Variants in PTPRN2 observed in about 807,000 individuals in gnomAD.
PTPRN2 encodes the protein protein tyrosine phosphatase receptor type N2.
Under a neutral mutation model 118.8 loss-of-function variants are expected in PTPRN2, and 74 were observed. The observed-to-expected ratio is 0.62, with a 90% CI of 0.52 to 0.76. PTPRN2 has a LOEUF of 0.76. PTPRN2 is among the 30% of genes least tolerant of loss of function. PTPRN2 has a pLI of 0.00. For synonymous variants in PTPRN2, 641 were observed against 608.0 expected, an observed-to-expected ratio of 1.05 and a Z score of -0.80; for missense variants, 1,481 against 1,394.4, an observed-to-expected ratio of 1.06 and a Z score of -0.99.
intron 3 of PTPRN2, among the ~76,000 whole-genome samples, chr7:158,221,440 G>C (rs1183105157): frequency 1.3e-5 from 2 of 152,110 alleles, no homozygotes; most frequent in Non-Finnish European, 2.9e-5. Flanking sequence ...CTATAGGGTA[G>C]GAAAAAATAT....
intron 12 of PTPRN2, among the ~76,000 whole-genome samples, chr7:157,814,310 A>G (rs1438842539): frequency 3.3e-5 from 5 of 152,066 alleles, no homozygotes; most frequent in African/African-American, 7.2e-5. Flanking sequence ...GTCCACAGAG[A>G]GCTCCCCCGG....
intron 13 of PTPRN2, among the ~76,000 whole-genome samples, chr7:157,679,813 G>A (rs1490938034): frequency 6.6e-6 from 1 of 152,158 alleles, no homozygotes; most frequent in Non-Finnish European, 1.5e-5. Flanking sequence ...GGCCCCCCAG[G>A]TCACGCGGGA....
chr7:157,781,726 T>C (rs940059922), intron 12 of PTPRN2, among the ~76,000 whole-genome samples: 1 of 152,228 alleles, frequency 6.6e-6, no homozygotes, highest in South Asian at 2.1e-4. Context: ...TATTTCTGCA[T>C]CTTTATCAAG....
intron 2 of PTPRN2, among the ~76,000 whole-genome samples, chr7:158,385,227 A>C (rs1811245097): frequency 6.6e-6 from 1 of 152,352 alleles, no homozygotes; most frequent in African/African-American, 2.4e-5. Context: ...CTGTAACAAA[A>C]GCTACTTTAA....
Position 158,407,661 on chromosome 7 carries a change from GC to G in PTPRN2, c.163+82073del, listed in dbSNP as rs1193761422. On this transcript the variant is annotated intron_variant, in intron 2 of 22. Transcript: ENST00000389418. ...TCCTGGGTCCTGGGTCCTGCATCCTGCGTCCTGCGTCCTGGGTCCTGGGTCC... is the reference window on the plus strand; with the variant it reads ...TCCTGGGTCCTGGGTCCTGCATCCTGGTCCTGCGTCCTGGGTCCTGGGTCC... Among the ~76,000 whole-genome samples the G allele has an allele frequency of 6.0e-5, 8 of 132,774 alleles. 1 individual carries two copies. The highest frequency in any genetic ancestry group is 1.1e-4 in the African/African-American group (4 of 36,014). The allele number at this position is 132,774 out of a possible 152,430, so 87.1% of individuals were successfully genotyped here.
chr7:157,691,638 G>T (rs1797503746), intron 12 of PTPRN2, among the ~76,000 whole-genome samples: 1 of 152,242 alleles, frequency 6.6e-6, no homozygotes, highest in Non-Finnish European at 1.5e-5. Flanking sequence ...GGAGACGGCG[G>T]TGAAAACCCA....
intron 11 of PTPRN2, among the ~76,000 whole-genome samples, chr7:157,972,415 A>G (rs1802398099): frequency 6.6e-6 from 1 of 152,222 alleles, no homozygotes; most frequent in African/African-American, 2.4e-5. Flanking sequence ...AGGACGAGAG[A>G]ATGCCTATGT....
In PTPRN2 at chr7:158,323,714, C is replaced by G. The variant is rs55978646; in HGVS notation, c.164-6782G>C. 3.2e-3 allele frequency among the ~76,000 whole-genome samples: 485 copies of G among 152,204 alleles called. 1 individual carries two copies. Among genetic ancestry groups the G allele is most frequent in the Middle Eastern group, 6.8e-3 (2 of 294 alleles). On this transcript the variant is annotated intron_variant, in intron 2 of 22. Coordinates refer to ENST00000389418, the MANE Select transcript of PTPRN2 (RefSeq NM_002847.5). ...TCCCACAGGCCAAAGTAATTTCATT[C>G]GCAAGCGTCACTGTCCCCAAAACAC...
In PTPRN2 at chr7:157,756,484, C is replaced by T. The variant is rs2010860; in HGVS notation, c.1789-73547G>A. Among the ~76,000 whole-genome samples the T allele has an allele frequency of 2.5e-4, 38 of 151,978 alleles. 1 individual carries two copies. The highest frequency in any genetic ancestry group is 5.2e-4 in the Admixed American group (8 of 15,262). On this transcript the variant is annotated intron_variant, in intron 12 of 22. Transcript: ENST00000389418. ...CTAATTTTTGTATTTTTAATAGAGACGGGTTGCACCATGTTGGCCAGGTTG... is the reference window on the plus strand; with the variant it reads ...CTAATTTTTGTATTTTTAATAGAGATGGGTTGCACCATGTTGGCCAGGTTG...
intron 12 of PTPRN2, among the ~76,000 whole-genome samples, chr7:157,772,334 C>G (rs1343937568): frequency 0.011 from 1,604 of 148,404 alleles, 61 homozygotes; most frequent in East Asian, 0.086. Context: ...CACACACATA[C>G]ACACAGACAT....
intron 21 of PTPRN2, among the ~76,000 whole-genome samples, chr7:157,556,675 C>T (rs1798904854): frequency 6.8e-6 from 1 of 147,256 alleles, no homozygotes; most frequent in Non-Finnish European, 1.5e-5. Context: ...CCCACACTCA[C>T]ATGTCACATA....
chr7:158,194,450 G>A (rs1826050166), intron 4 of PTPRN2, among the ~76,000 whole-genome samples: 1 of 152,222 alleles, frequency 6.6e-6, no homozygotes, highest in Non-Finnish European at 1.5e-5. Flanking sequence ...GCCGCCCTCA[G>A]CAATGCTCCC....
chr7:157,685,049 C>T lies in PTPRN2; in HGVS notation c.1789-2112G>A, dbSNP rs567117486. On this transcript the variant is annotated intron_variant, in intron 12 of 22. Transcript: ENST00000389418. Reference sequence around the variant, plus strand: ...CATACCTGGGCGGGAGGGCTTTTCCCGGGGGCCCGGCCTGCGCCCCTCGCC... The same window carrying T: ...CATACCTGGGCGGGAGGGCTTTTCCTGGGGGCCCGGCCTGCGCCCCTCGCC... 2.6e-5 allele frequency among the ~76,000 whole-genome samples: 4 copies of T among 151,954 alleles called. No homozygotes were observed. In the South Asian group the frequency reaches 8.3e-4, roughly 31 times the overall value.
intron 2 of PTPRN2, among the ~76,000 whole-genome samples, chr7:158,317,761 C>T (rs1802458922): frequency 1.3e-5 from 2 of 152,166 alleles, no homozygotes; most frequent in Admixed American, 6.5e-5. Context: ...CACTAGGTTT[C>T]GCCGTGCAGC....
In PTPRN2 at chr7:157,953,643, C is replaced by A. The variant is rs530658230; in HGVS notation, c.1724-54906G>T. On this transcript the variant is annotated intron_variant, in intron 11 of 22. Coordinates refer to ENST00000389418, the MANE Select transcript of PTPRN2 (RefSeq NM_002847.5). This position sits in a 1 kb window ranked among gnomAD's most constrained non-coding sequence, Gnocchi z 4.6. ...TTGGACACTCTCTGGACAGGAGACACCTCACCCCTCACAGACATCTCATTT... is the reference window on the plus strand; with the variant it reads ...TTGGACACTCTCTGGACAGGAGACAACTCACCCCTCACAGACATCTCATTT... Among the ~76,000 whole-genome samples, 117 of 152,178 alleles carry A rather than the reference C, an allele frequency of 7.7e-4. No homozygotes were observed. Among genetic ancestry groups the A allele is most frequent in the African/African-American group, 2.6e-3 (107 of 41,510 alleles).
chr7:157,654,755 T>C (rs1293103636), intron 14 of PTPRN2, among the ~76,000 whole-genome samples: 1 of 152,216 alleles, frequency 6.6e-6, no homozygotes, highest in African/African-American at 2.4e-5. Flanking sequence ...AAATACAGTA[T>C]TTCCAGGTAC....
In PTPRN2 at chr7:158,326,774, C is replaced by T. The variant is rs1045570499; in HGVS notation, c.164-9842G>A. 3.2e-5 allele frequency among the ~76,000 whole-genome samples: 4 copies of T among 126,152 alleles called. No individual in the cohort carries two copies. The South Asian group carries it at 1.1e-3, about 34-fold the overall frequency. The allele number at this position is 126,152 out of a possible 152,430, so 82.8% of individuals were successfully genotyped here. On this transcript the variant is annotated intron_variant, in intron 2 of 22. Coordinates refer to ENST00000389418, the MANE Select transcript of PTPRN2 (RefSeq NM_002847.5). ...CTCACATGCACGTTTCACACATGCT[C>T]ACACACTCACATGCACACACATGCA...
chr7:158,276,904 G>A (rs1799045426), intron 3 of PTPRN2, among the ~76,000 whole-genome samples: 1 of 152,176 alleles, frequency 6.6e-6, no homozygotes, highest in East Asian at 1.9e-4. Flanking sequence ...GGGGCCATAT[G>A]CTCAGGTGCT....
intron 11 of PTPRN2, among the ~76,000 whole-genome samples, chr7:157,910,346 C>T (rs1267181999): frequency 6.8e-6 from 1 of 147,628 alleles, no homozygotes; most frequent in South Asian, 2.2e-4. Context: ...GCCGTGGGAA[C>T]GGGTCCAGGA....
Sources: gnomAD v4.1 joint callset for allele counts (sites outside exome capture counted in the v4.1 genomes callset) on GRCh38, gnomAD v4.1.1 for gene constraint, Gnocchi (gnomAD v3.1) non-coding constraint, MANE v1.5 for transcripts, NCBI Gene and HGNC (gene_info 2026-07-23, HGNC 2026-07-21) for gene names.